CDH12: variants seen among roughly 807,000 people sequenced by gnomAD.
The protein encoded by CDH12 is cadherin 12, also known as cadherin-12.
A neutral mutation model predicts 74.1 loss-of-function variants in CDH12; 41 were observed. The observed-to-expected ratio is 0.55, with a 90% CI of 0.43 to 0.72. The LOEUF is 0.72. CDH12 is among the 30% of genes least tolerant of loss of function. The pLI is 0.00. For missense variants in CDH12, 945 were observed against 977.2 expected (o/e 0.97, Z 0.44); for synonymous variants, 399 against 355.0 (o/e 1.12, Z -1.39).
Position 21,929,591 on chromosome 5 carries a change from A to T in CDH12, c.526+45500T>A, listed in dbSNP as rs983426962. 2.0e-5 allele frequency among the ~76,000 whole-genome samples: 3 copies of T among 152,062 alleles called. No homozygotes were observed. In the South Asian group the frequency reaches 6.2e-4, roughly 31 times the overall value. On this transcript the variant is annotated intron_variant, in intron 6 of 14. Transcript: ENST00000382254. ...GGAATCAGTGGTATGATCTCCGCTC[A>T]CTGCAGCCTCAACCTCCCCAACCTC... is the stretch of plus-strand genomic sequence containing the variant.
At position 22,252,890 on chromosome 5, in the gene CDH12, T is replaced by C. The variant is rs540792200; in HGVS notation, c.-332-40247A>G. The stretch of plus-strand genomic sequence containing the variant: ...TTACATGCTCTACTGAAAACATGTA[T>C]CCTTTTTTAGAAACATGTTATCAGA... On this transcript the variant is annotated intron_variant, in intron 3 of 14. Coordinates refer to ENST00000382254, the MANE Select transcript of CDH12 (RefSeq NM_004061.5). 2.0e-5 allele frequency among the ~76,000 whole-genome samples: 3 copies of C among 152,106 alleles called. No individual in the cohort carries two copies. In the East Asian group the frequency reaches 5.8e-4, roughly 29 times the overall value.
At chr5:21,809,107 A>C (rs559126093) in intron 9 of CDH12, among the ~76,000 whole-genome samples, 1 of 152,144 alleles carries the variant, frequency 6.6e-6, no homozygotes, top group East Asian at 1.9e-4. Context: ...AAATGCACTT[A>C]ATTTTTCTGT....
chr5:22,738,570 A>G (rs1472029293), intron 1 of CDH12, among the ~76,000 whole-genome samples: 4 of 152,082 alleles, frequency 2.6e-5, no homozygotes, highest in Non-Finnish European at 4.4e-5. Context: ...TAAGCTTTGT[A>G]GGGGATTTGG....
At position 22,246,822 on chromosome 5, in the gene CDH12, T is replaced by A. The variant is rs113231020; in HGVS notation, c.-332-34179A>T. Among the ~76,000 whole-genome samples the A allele has an allele frequency of 4.6e-5, 7 of 152,134 alleles. 1 individual carries two copies. The highest frequency in any genetic ancestry group is 1.4e-4 in the African/African-American group (6 of 41,520). On this transcript the variant is annotated intron_variant, in intron 3 of 14. Coordinates refer to ENST00000382254, the MANE Select transcript of CDH12 (RefSeq NM_004061.5). ...AGTTACTTTTATCTAGTTGTTAGAA[T>A]TTTTTTTAAGGTATAAGACTGTATT... is the stretch of plus-strand genomic sequence containing the variant.
At chr5:22,741,993 CAA>C (rs1488486217) in intron 1 of CDH12, among the ~76,000 whole-genome samples, 1 of 152,012 alleles carries the variant, frequency 6.6e-6, no homozygotes, top group African/African-American at 2.4e-5. Flanking sequence ...CCAGCGTGGT[CAA>C]TATGGTGAAA....
chr5:22,757,299 C>T (rs1745976689), intron 1 of CDH12, among the ~76,000 whole-genome samples: 1 of 152,302 alleles, frequency 6.6e-6, no homozygotes, highest in South Asian at 2.1e-4. Flanking sequence ...TCACATGAAA[C>T]ATAATATTTA....
At chr5:22,204,177 T>TG (rs1179607864) in intron 4 of CDH12, among the ~76,000 whole-genome samples, 1 of 143,228 alleles carries the variant, frequency 7.0e-6, no homozygotes, top group Non-Finnish European at 1.6e-5. Context: ...TTTTTTTTTG[T>TG]TTTTTGTTTT....
intron 4 of CDH12, among the ~76,000 whole-genome samples, chr5:22,158,308 T>C (rs1454632200): frequency 6.6e-6 from 1 of 152,100 alleles, no homozygotes; most frequent in Non-Finnish European, 1.5e-5. Context: ...GAAAAATGGC[T>C]GTATCTGTGT....
intron 3 of CDH12, among the ~76,000 whole-genome samples, chr5:22,317,430 A>T (rs1468539455): frequency 6.6e-6 from 1 of 152,160 alleles, no homozygotes; most frequent in Non-Finnish European, 1.5e-5. Flanking sequence ...ATAAACACTC[A>T]TATATATACA....
intron 3 of CDH12, among the ~76,000 whole-genome samples, chr5:22,254,470 G>A (rs967261625): frequency 4.6e-5 from 7 of 151,624 alleles, no homozygotes; most frequent in Non-Finnish European, 3.0e-5. Context: ...CACTAGATTT[G>A]AGTTTTAGAT....
chr5:21,837,890 T>A (rs1749629981), intron 8 of CDH12, among the ~76,000 whole-genome samples: 1 of 152,086 alleles, frequency 6.6e-6, no homozygotes, highest in Non-Finnish European at 1.5e-5. Flanking sequence ...GTCCAAGTGT[T>A]CATGTAATAC....
At chr5:22,773,927 A>G (rs867702039) in intron 1 of CDH12, among the ~76,000 whole-genome samples, 1 of 152,182 alleles carries the variant, frequency 6.6e-6, no homozygotes, top group Middle Eastern at 3.2e-3. Flanking sequence ...AATCAAAACT[A>G]CAATGAGATA....
chr5:22,230,906 G>A (rs1473880365), intron 3 of CDH12, among the ~76,000 whole-genome samples: 1 of 152,166 alleles, frequency 6.6e-6, no homozygotes, highest in African/African-American at 2.4e-5. Context: ...TACGAATGAT[G>A]AAGATGAAGG....
intron 6 of CDH12, among the ~76,000 whole-genome samples, chr5:21,864,987 G>A (rs75031903): frequency 0.011 from 1,671 of 152,284 alleles, 30 homozygotes; most frequent in African/African-American, 0.038. Flanking sequence ...AACCAGAGGA[G>A]AGTTAATGTA....
chr5:21,832,980 T>C (rs1325396508), intron 8 of CDH12, among the ~76,000 whole-genome samples: 5 of 92,948 alleles, frequency 5.4e-5, no homozygotes, highest in African/African-American at 2.1e-4. Context: ...ATATAATATA[T>C]ATAATATCAT....
At chr5:22,235,356 G>A (rs369705409) in intron 3 of CDH12, among the ~76,000 whole-genome samples, 151 of 152,214 alleles carry the variant, frequency 9.9e-4, no homozygotes, top group African/African-American at 3.5e-3. Flanking sequence ...CAAGGCTGGG[G>A]GATCACTAGA....
At chr5:21,803,498 G>A (rs1451327393) in intron 9 of CDH12, among the ~76,000 whole-genome samples, 4 of 151,986 alleles carry the variant, frequency 2.6e-5, no homozygotes, top group Non-Finnish European at 4.4e-5. Flanking sequence ...ATGGAGTCAC[G>A]GATGCTCAGT....
intron 2 of CDH12, among the ~76,000 whole-genome samples, chr5:22,430,219 T>C (rs971268332): frequency 2.0e-5 from 3 of 152,220 alleles, no homozygotes; most frequent in Admixed American, 6.6e-5. Flanking sequence ...ACTTTAGCAA[T>C]TGGAGGTGTT....
intron 12 of CDH12, among the ~76,000 whole-genome samples, chr5:21,761,559 C>A (rs1248074242): frequency 1.3e-5 from 2 of 152,084 alleles, no homozygotes; most frequent in African/African-American, 4.8e-5. Flanking sequence ...CTAGATTTCA[C>A]ACACGGATAT....
Sources: allele counts gnomAD v4.1 joint callset (sites outside exome capture counted in the v4.1 genomes callset), GRCh38; gene constraint gnomAD v4.1.1; transcripts MANE v1.5; gene names NCBI Gene and HGNC (gene_info 2026-07-23, HGNC 2026-07-21).